Variants in DSCAM observed in about 807,000 individuals in gnomAD.
The protein encoded by DSCAM is DS cell adhesion molecule.
A neutral mutation model predicts 217.7 loss-of-function variants in DSCAM; 47 were observed. The ratio of observed to expected loss-of-function variants is 0.22; its 90% CI spans 0.17 to 0.28. DSCAM has a LOEUF of 0.28. Among genes scored for constraint, DSCAM ranks in the 10% least tolerant of loss-of-function variants. The pLI, the probability that DSCAM is intolerant of heterozygous loss-of-function variation, is 1.00. For synonymous variants in DSCAM, 1,056 were observed against 1,015.3 expected, an observed-to-expected ratio of 1.04 and a Z score of -0.76; for missense variants, 2,080 against 2,618.3, an observed-to-expected ratio of 0.79 and a Z score of 4.49.
At chr21:40,651,642 C>G (rs1277059474) in intron 3 of DSCAM, among the ~76,000 whole-genome samples, 1 of 152,172 alleles carries the variant, frequency 6.6e-6, no homozygotes, top group Non-Finnish European at 1.5e-5. Context: ...ACTCTCTGAC[C>G]TGTTGGAAAC....
At chr21:40,640,611 G>A (rs1341453077) in intron 3 of DSCAM, among the ~76,000 whole-genome samples, 1 of 152,194 alleles carries the variant, frequency 6.6e-6, no homozygotes, top group African/African-American at 2.4e-5. Context: ...TGAGAGATGG[G>A]GATGGAGATT....
rs2073928969 is a variant in DSCAM, at chr21:40,294,264, G to C, written c.2182+1791C>G. The stretch of plus-strand genomic sequence containing the variant: ...CCAAATAAATAAGACATAGAGATAA[G>C]CGTGCAAGTAACATGAATAAGAAAT... On this transcript the variant is annotated intron_variant, in intron 10 of 32. Coordinates refer to ENST00000400454, the MANE Select transcript of DSCAM (RefSeq NM_001389.5). Among the ~76,000 whole-genome samples the C allele has an allele frequency of 3.3e-5, 5 of 152,288 alleles. No individual in the cohort carries two copies. In the South Asian group the frequency reaches 1.0e-3, roughly 32 times the overall value.
intron 11 of DSCAM, among the ~76,000 whole-genome samples, chr21:40,202,573 G>A (rs1200085307): frequency 1.3e-5 from 2 of 152,188 alleles, no homozygotes; most frequent in Non-Finnish European, 2.9e-5. Flanking sequence ...TCCTAGGGTT[G>A]CTGTAGAGAT....
chr21:40,650,611 CTTCA>C (rs199551210), intron 3 of DSCAM, among the ~76,000 whole-genome samples: 31,256 of 152,072 alleles, frequency 0.21, 3,596 homozygotes, highest in East Asian at 0.25. Context: ...GGACATCTGT[CTTCA>C]TTAATAAAGA....
chr21:40,124,314 C>T lies in DSCAM; in HGVS notation c.3577G>A (p.Ala1193Thr), dbSNP rs201680585. The change falls in exon 20 of 33, where the codon GCG (alanine) becomes ACG (threonine). Residue 1193 changes from alanine to threonine, a missense_variant. By Grantham distance (58) the Ala-to-Thr change is moderately conservative (BLOSUM62 0). Coordinates refer to ENST00000400454, the MANE Select transcript of DSCAM (RefSeq NM_001389.5). Reference protein sequence around the residue: ...RTKEDVPGPPAGVKAAAASAS... With the variant: ...RTKEDVPGPPTGVKAAAASAS... ...GAGGCCGCCGCTGCCTTCACACCCG[C>T]GGGAGGACCTGGAACTGGAAGAGCC... The T allele has an allele frequency of 1.7e-4, 273 of 1,613,692 alleles. No individual in the cohort carries two copies. Among genetic ancestry groups the T allele is most frequent in the Non-Finnish European group, 2.2e-4 (258 of 1,180,006 alleles).
intron 11 of DSCAM, among the ~76,000 whole-genome samples, chr21:40,204,482 T>C (rs115938283): frequency 0.023 from 3,441 of 152,334 alleles, 108 homozygotes; most frequent in African/African-American, 0.069. Context: ...TATATATTTC[T>C]TACTTATTTA....
intron 11 of DSCAM, among the ~76,000 whole-genome samples, chr21:40,192,910 A>G (rs73904729): frequency 0.068 from 10,359 of 152,234 alleles, 1,116 homozygotes; most frequent in African/African-American, 0.23. Flanking sequence ...GTGTGAACAA[A>G]TGTTTTCATT....
At chr21:40,494,786 A>C (rs766350113) in intron 3 of DSCAM, among the ~76,000 whole-genome samples, 37 of 152,084 alleles carry the variant, frequency 2.4e-4, no homozygotes, top group Non-Finnish European at 5.0e-4. Flanking sequence ...AAATAGAACT[A>C]GAAAAACAAT....
rs117612788 is a variant in DSCAM, at chr21:40,488,175, G to A, written c.509-118930C>T. ...AACTTACCAACTCTATGAGTGTGTC[G>A]CCCTCTCTGTACTCCGCACCTGGAA... is the stretch of plus-strand genomic sequence containing the variant. On this transcript the variant is annotated intron_variant, in intron 3 of 32. Transcript: ENST00000400454. 7.1e-4 allele frequency among the ~76,000 whole-genome samples: 108 copies of A among 152,188 alleles called. 1 individual carries two copies. In the East Asian group the frequency reaches 0.013, roughly 18 times the overall value.
At chr21:40,305,587 G>C (rs1164197555) in intron 9 of DSCAM, among the ~76,000 whole-genome samples, 4 of 152,096 alleles carry the variant, frequency 2.6e-5, no homozygotes, top group Non-Finnish European at 4.4e-5. Flanking sequence ...TAAGGTTTAA[G>C]TCTTTAATCC....
intron 3 of DSCAM, among the ~76,000 whole-genome samples, chr21:40,536,652 C>T (rs1021653126): frequency 2.6e-5 from 4 of 152,256 alleles, no homozygotes; most frequent in Middle Eastern, 3.4e-3. Context: ...GTGATCCGCC[C>T]GCCTTGGCCT....
At chr21:40,515,706 T>C (rs1481240216) in intron 3 of DSCAM, among the ~76,000 whole-genome samples, 1 of 152,180 alleles carries the variant, frequency 6.6e-6, no homozygotes, top group African/African-American at 2.4e-5. Context: ...TTCAACTTTA[T>C]TCCCGGGTGC....
At chr21:40,630,278 G>C (rs1008145268) in intron 3 of DSCAM, among the ~76,000 whole-genome samples, 2 of 152,174 alleles carry the variant, frequency 1.3e-5, no homozygotes, top group Non-Finnish European at 2.9e-5. Flanking sequence ...GATAAAACCC[G>C]AATTTGCAAA....
At chr21:40,742,786 G>A (rs2091136677) in intron 1 of DSCAM, among the ~76,000 whole-genome samples, 1 of 152,124 alleles carries the variant, frequency 6.6e-6, no homozygotes, top group East Asian at 1.9e-4. Context: ...ATCATCACCA[G>A]ATTCATTGTT....
chr21:40,675,352 T>A (rs1329297990), intron 3 of DSCAM, among the ~76,000 whole-genome samples: 1 of 151,940 alleles, frequency 6.6e-6, no homozygotes, highest in Non-Finnish European at 1.5e-5. Flanking sequence ...CATGCAGCTA[T>A]CAGAGAGAAT....
intron 3 of DSCAM, among the ~76,000 whole-genome samples, chr21:40,519,784 T>C (rs1311395639): frequency 6.6e-6 from 1 of 152,148 alleles, no homozygotes; most frequent in Non-Finnish European, 1.5e-5. Flanking sequence ...ATTACAGACA[T>C]GCCAGCTCGA....
At chr21:40,300,258 T>C (rs1200907525) in intron 9 of DSCAM, among the ~76,000 whole-genome samples, 1 of 152,200 alleles carries the variant, frequency 6.6e-6, no homozygotes, top group Non-Finnish European at 1.5e-5. Flanking sequence ...TCCAAAATGG[T>C]ACCTGTTCCT....
At chr21:40,166,706 C>T (rs527831695) in intron 16 of DSCAM, among the ~76,000 whole-genome samples, 1 of 152,318 alleles carries the variant, frequency 6.6e-6, no homozygotes, top group East Asian at 1.9e-4. Context: ...ATGGGCCACA[C>T]ATGGGGTAGC....
intron 3 of DSCAM, among the ~76,000 whole-genome samples, chr21:40,442,030 G>A (rs1001568840): frequency 1.3e-5 from 2 of 152,154 alleles, no homozygotes; most frequent in African/African-American, 2.4e-5. Flanking sequence ...TAGATCCAGA[G>A]GGTAGAGGTT....
Sources: gnomAD v4.1 joint callset for allele counts (sites outside exome capture counted in the v4.1 genomes callset) on GRCh38, gnomAD v4.1.1 for gene constraint, MANE v1.5 for transcripts, NCBI Gene and HGNC (gene_info 2026-07-23, HGNC 2026-07-21) for gene names.